KDM2B: variants seen among roughly 807,000 people sequenced by gnomAD.
KDM2B encodes lysine demethylase 2B, also known as lysine-specific demethylase 2B.
Under a neutral mutation model 150.0 loss-of-function variants are expected in KDM2B, and 26 were observed. The observed-to-expected ratio is 0.17, with a 90% confidence interval of 0.13 to 0.24. The LOEUF (loss-of-function observed/expected upper bound fraction) is 0.24. Ranked by LOEUF, KDM2B falls within the 10% of genes least tolerant of loss-of-function variation. The probability of loss-of-function intolerance (pLI) is 1.00; values close to 1 mark genes in which losing one functional copy is unlikely to be tolerated. For missense variants in KDM2B, 1,265 were observed against 1,816.9 expected (o/e 0.70, Z 5.52); for synonymous variants, 734 against 729.5 (o/e 1.01, Z -0.10).
the KDM2B span, among the ~76,000 whole-genome samples, chr12:121,411,847 A>G: frequency 2.6e-5 from 4 of 152,342 alleles, no homozygotes; most frequent in South Asian, 8.3e-4. Flanking sequence ...TAGTAGCTAC[A>G]TTAGTAGGAA....
At chr12:121,558,520 C>G (rs1344221342) in intron 4 of KDM2B, among the ~76,000 whole-genome samples, 20 of 146,696 alleles carry the variant, frequency 1.4e-4, no homozygotes, top group African/African-American at 4.8e-4. Flanking sequence ...GTGGTGCGAT[C>G]TCGGCTCACT....
intron 22 of KDM2B, chr12:121,433,333 C>A: frequency 2.6e-6 from 1 of 390,796 alleles, no homozygotes. Context: ...CCTGCCCGCC[C>A]GCCAGCCTGT....
intron 8 of KDM2B, among the ~76,000 whole-genome samples, chr12:121,522,898 A>G (rs1014705812): frequency 6.6e-6 from 1 of 152,226 alleles, no homozygotes; most frequent in African/African-American, 2.4e-5. Context: ...GTCACCTATC[A>G]GGATTTTGAG....
intron 1 of KDM2B, chr12:121,579,654 C>T: frequency 1.5e-6 from 2 of 1,357,926 alleles, no homozygotes; most frequent in Non-Finnish European, 1.9e-6. Flanking sequence ...CGCACACTCA[C>T]TTCCTAAGGA....
intron 11 of KDM2B, among the ~76,000 whole-genome samples, chr12:121,503,828 A>G (rs1277092102): frequency 6.6e-6 from 1 of 152,232 alleles, no homozygotes; most frequent in African/African-American, 2.4e-5. Flanking sequence ...AGGACACTGC[A>G]GTTTCACCCA....
At chr12:121,477,679 G>A (rs1474067078) in intron 12 of KDM2B, among the ~76,000 whole-genome samples, 1 of 150,058 alleles carries the variant, frequency 6.7e-6, no homozygotes, top group Non-Finnish European at 1.5e-5. Flanking sequence ...CCGGGTTCAA[G>A]CGATTCTTGT....
In KDM2B at chr12:121,524,678, C is replaced by A. The variant is rs549544326; in HGVS notation, c.932-3578G>T. ...GCGTTTGTGGGCCCCATCCATACCC[C>A]TCCTCCGATGGCCTCTCGACAGCCC... On this transcript the variant is annotated intron_variant, in intron 8 of 22. Coordinates refer to ENST00000377071, the MANE Select transcript of KDM2B (RefSeq NM_032590.5). 84 of 454,312 alleles carry A rather than the reference C, an allele frequency of 1.8e-4. 2 individuals carry two copies. The highest frequency in any genetic ancestry group is 1.3e-3 in the South Asian group (82 of 64,178). 28.1% of individuals were successfully genotyped at this position (454,312 alleles called of 1,614,324 possible).
At chr12:121,530,045 A>G (rs567011108) in intron 8 of KDM2B, among the ~76,000 whole-genome samples, 83 of 150,452 alleles carry the variant, frequency 5.5e-4, no homozygotes, top group Middle Eastern at 7.0e-3. Context: ...TGGCTAACAC[A>G]GTGAAAACGT....
chr12:121,416,817 A>G, the KDM2B span, among the ~76,000 whole-genome samples: 25 of 152,212 alleles, frequency 1.6e-4, no homozygotes, highest in Non-Finnish European at 3.4e-4. Flanking sequence ...GCTAACAGTT[A>G]TTTTCACTAA....
the KDM2B span, among the ~76,000 whole-genome samples, chr12:121,416,962 C>T: frequency 6.6e-6 from 1 of 152,236 alleles, no homozygotes; most frequent in South Asian, 2.1e-4. Flanking sequence ...GAAACGACCA[C>T]ATCTTAGTGC....
intron 4 of KDM2B, among the ~76,000 whole-genome samples, chr12:121,564,649 T>C (rs1890569959): frequency 1.3e-5 from 2 of 151,940 alleles, no homozygotes; most frequent in South Asian, 4.1e-4. Context: ...AACGGAACAA[T>C]ATGCGATGTT....
At position 121,533,720 on chromosome 12, in the gene KDM2B, A is replaced by G. The variant is rs543271569; in HGVS notation, c.778-761T>C. ...TCTGGCCCAAGGAGCTTTGAACACC[A>G]GACTGGGTGAGTGGAGCAGGCCTGC... On this transcript the variant is annotated intron_variant, in intron 7 of 22. Transcript: ENST00000377071. The surrounding 1 kb of genome is among the most constrained non-coding windows in gnomAD (Gnocchi z 4.1). Among the ~76,000 whole-genome samples the G allele has an allele frequency of 1.3e-5, 2 of 152,308 alleles. No homozygotes were observed. Among genetic ancestry groups the G allele is most frequent in the South Asian group, 2.1e-4 (1 of 4,830 alleles).
In KDM2B at chr12:121,529,787, G is replaced by A. The variant is rs567752505; in HGVS notation, c.931+3019C>T. ...GCTACTAAAAATACAAAAATTAGCC[G>A]GGCATGGTGGCGTGTACCTGTAATC... is the stretch of plus-strand genomic sequence containing the variant. On this transcript the variant is annotated intron_variant, in intron 8 of 22. Coordinates refer to ENST00000377071, the MANE Select transcript of KDM2B (RefSeq NM_032590.5). 1.3e-3 allele frequency among the ~76,000 whole-genome samples: 200 copies of A among 151,622 alleles called. 1 individual carries two copies. The highest frequency in any genetic ancestry group is 2.4e-3 in the Non-Finnish European group (161 of 67,882).
chr12:121,503,424 G>A (rs1450243318), intron 11 of KDM2B, among the ~76,000 whole-genome samples: 1 of 151,986 alleles, frequency 6.6e-6, no homozygotes, highest in African/African-American at 2.4e-5. Flanking sequence ...TCAAGTAGCT[G>A]GGACTACAGG....
intron 11 of KDM2B, among the ~76,000 whole-genome samples, chr12:121,496,871 C>T (rs1325048399): frequency 6.6e-6 from 1 of 151,528 alleles, no homozygotes; most frequent in Non-Finnish European, 1.5e-5. Flanking sequence ...AGGTGTGAGC[C>T]CCCCAAAGTG....
Position 121,518,600 on chromosome 12 carries a change from C to A in KDM2B, c.1047+2385G>T, listed in dbSNP as rs1886428202. ...TGATGCTCAGGGGTCCGGCCAGCAC[C>A]CTGCCAGTCGTCATGGGTGGGGGAA... On this transcript the variant is annotated intron_variant, in intron 9 of 22. Coordinates refer to ENST00000377071, the MANE Select transcript of KDM2B (RefSeq NM_032590.5). This position sits in a 1 kb window ranked among gnomAD's most constrained non-coding sequence, Gnocchi z 4.4. 6.6e-6 allele frequency among the ~76,000 whole-genome samples: 1 copy of A among 152,162 alleles called. No individual in the cohort carries two copies. The highest frequency in any genetic ancestry group is 2.1e-4 in the South Asian group (1 of 4,834).
At chr12:121,544,381 C>CTCA (rs1555310282) in intron 6 of KDM2B, among the ~76,000 whole-genome samples, 1 of 152,186 alleles carries the variant, frequency 6.6e-6, no homozygotes, top group Non-Finnish European at 1.5e-5. Flanking sequence ...GAAGCCAAGG[C>CTCA]AGGTGATCAC....
At chr12:121,512,003 C>T (rs895145643) in intron 10 of KDM2B, among the ~76,000 whole-genome samples, 3 of 152,158 alleles carry the variant, frequency 2.0e-5, no homozygotes, top group Non-Finnish European at 2.9e-5. Context: ...CCTCCTGTGC[C>T]TGCGAATGGA....
intron 13 of KDM2B, among the ~76,000 whole-genome samples, chr12:121,449,696 A>C (rs1876902125): frequency 6.6e-6 from 1 of 152,248 alleles, no homozygotes; most frequent in East Asian, 1.9e-4. Context: ...CAGTTGCTAT[A>C]GACAAGCTCT....
Sources: gnomAD v4.1 joint callset for allele counts (sites outside exome capture counted in the v4.1 genomes callset) on GRCh38, gnomAD v4.1.1 for gene constraint, Gnocchi (gnomAD v3.1) non-coding constraint, MANE v1.5 for transcripts, NCBI Gene and HGNC (gene_info 2026-07-23, HGNC 2026-07-21) for gene names.